Variants in ATG2B observed in about 807,000 individuals in gnomAD.
The protein encoded by ATG2B is autophagy related 2B.
A neutral mutation model predicts 241.3 loss-of-function variants in ATG2B; 121 were observed. The observed-to-expected ratio is 0.50, with a 90% confidence interval of 0.43 to 0.58. ATG2B has a LOEUF of 0.58. ATG2B is among the 20% of genes least tolerant of loss of function. The probability of loss-of-function intolerance (pLI) is 0.00; values close to 1 mark genes in which losing one functional copy is unlikely to be tolerated. For synonymous variants in ATG2B, 858 were observed against 876.6 expected (o/e 0.98, Z 0.37); for missense variants, 2,306 against 2,491.6 (o/e 0.93, Z 1.59).
At chr14:96,342,641 G>A (rs1324332560) in intron 5 of ATG2B, among the ~76,000 whole-genome samples, 1 of 150,122 alleles carries the variant, frequency 6.7e-6, no homozygotes, top group Non-Finnish European at 1.5e-5. Context: ...AGAATCCCTT[G>A]AACCTGCGAG....
chr14:96,282,256 T>C lies in ATG2B; in HGVS notation c.*3499A>G, dbSNP rs1886218870. ...TTGATTTTATTCTATTTGATACCAA[T>C]TGGTATGTCCAGCTGATGCATTTGC... On this transcript the variant is annotated 3_prime_UTR_variant, in exon 42 of 42. Coordinates refer to ENST00000359933, the MANE Select transcript of ATG2B (RefSeq NM_018036.7). 1 of 152,252 alleles carries C rather than the reference T, an allele frequency of 6.6e-6. No homozygotes were observed. Among genetic ancestry groups the C allele is most frequent in the Non-Finnish European group, 1.5e-5 (1 of 68,034 alleles). 9.4% of individuals were successfully genotyped at this position (152,252 alleles called of 1,614,324 possible).
chr14:96,308,750 A>G (rs929525756), intron 29 of ATG2B, among the ~76,000 whole-genome samples: 5 of 152,142 alleles, frequency 3.3e-5, no homozygotes, highest in African/African-American at 1.2e-4. Flanking sequence ...TTTAATTAAG[A>G]TTTCCCAATA....
In ATG2B at chr14:96,281,637, C is replaced by T. The variant is rs1348696186; in HGVS notation, c.*4118G>A. The T allele has an allele frequency of 6.6e-6, 1 of 152,180 alleles. No individual in the cohort carries two copies. The highest frequency in any genetic ancestry group is 1.5e-5 in the Non-Finnish European group (1 of 68,028). The allele number at this position is 152,180 out of a possible 1,614,324, so 9.4% of individuals were successfully genotyped here. On this transcript the variant is annotated 3_prime_UTR_variant, in exon 42 of 42. Coordinates refer to ENST00000359933, the MANE Select transcript of ATG2B (RefSeq NM_018036.7). Reference sequence around the variant, plus strand: ...GCTGCCATTTCGTATACACAAAATACAAGTGAAACAGTGAAGTAAACATAT... The same window carrying T: ...GCTGCCATTTCGTATACACAAAATATAAGTGAAACAGTGAAGTAAACATAT...
chr14:96,325,844 G>A lies in ATG2B; in HGVS notation c.2242C>T (p.Pro748Ser). 1 of 1,614,036 alleles carries A rather than the reference G, an allele frequency of 6.2e-7. No individual in the cohort carries two copies. The highest frequency in any genetic ancestry group is 8.5e-7 in the Non-Finnish European group (1 of 1,179,982). The change falls in exon 15 of 42, where the codon CCA (proline) becomes TCA (serine). Residue 748 changes from proline (P) to serine (S), a missense_variant. Coordinates refer to ENST00000359933, the MANE Select transcript of ATG2B (RefSeq NM_018036.7). ...AAGCGAACAGAAAGGTTTAATGCTGGTGTGGCAACTTGTACTGATATCCGA... is the reference window on the plus strand; with the variant it reads ...AAGCGAACAGAAAGGTTTAATGCTGATGTGGCAACTTGTACTGATATCCGA... ...NCRISVQVAT[P>S]ALNLSVRFPI... is the part of the protein sequence containing the mutation.
chr14:96,304,096 C>T (rs1886867861), intron 32 of ATG2B, among the ~76,000 whole-genome samples: 1 of 152,212 alleles, frequency 6.6e-6, no homozygotes, highest in Admixed American at 6.5e-5. Context: ...CACAAAGGAC[C>T]TGCCAGATGC....
chr14:96,289,907 C>T lies in ATG2B; in HGVS notation c.5857-102G>A. 8.4e-7 allele frequency: 1 copy of T among 1,195,564 alleles called. No individual in the cohort carries two copies. The highest frequency in any genetic ancestry group is 1.2e-6 in the Non-Finnish European group (1 of 851,414). 74.1% of individuals were successfully genotyped at this position (1,195,564 alleles called of 1,614,324 possible). A position where few individuals can be genotyped will look rare whatever the true frequency, so the allele number is the denominator to read the frequency against. On this transcript the variant is annotated intron_variant, in intron 40 of 41. Coordinates refer to ENST00000359933, the MANE Select transcript of ATG2B (RefSeq NM_018036.7). This position sits in a 1 kb window ranked among gnomAD's most constrained non-coding sequence, Gnocchi z 4.3. Reference sequence around the variant, plus strand: ...CAGGGAGTGAGGAAGAGCAGAGGAACTCACAAACCCTAATGAAGACACTTC... The same window carrying T: ...CAGGGAGTGAGGAAGAGCAGAGGAATTCACAAACCCTAATGAAGACACTTC...
chr14:96,333,936 TCCCAAAAC>T lies in ATG2B; in HGVS notation c.1022-71_1022-64del, dbSNP rs1167480876. On this transcript the variant is annotated intron_variant, in intron 7 of 41. Transcript: ENST00000359933. ...ATTTGGAGTTAATTAAGCATTTCTT[TCCCAAAAC>T]CCATTTATGGAACAACAATGGCAAC... 3 of 1,428,196 alleles carry T rather than the reference TCCCAAAAC, an allele frequency of 2.1e-6. No individual in the cohort carries two copies. The African/African-American group carries it at 4.2e-5, about 20-fold the overall frequency. 88.5% of individuals were successfully genotyped at this position (1,428,196 alleles called of 1,614,324 possible).
At chr14:96,355,616 CAT>C (rs1888451910) in intron 1 of ATG2B, among the ~76,000 whole-genome samples, 4 of 152,056 alleles carry the variant, frequency 2.6e-5, no homozygotes, top group Admixed American at 2.6e-4. Flanking sequence ...AAACTACCAA[CAT>C]ATTAATAGTT....
rs1886295098 is a variant in ATG2B, at chr14:96,284,894, T to A, written c.*861A>T. 1 of 152,198 alleles carries A rather than the reference T, an allele frequency of 6.6e-6. No individual in the cohort carries two copies. Among genetic ancestry groups the A allele is most frequent in the South Asian group, 2.1e-4 (1 of 4,834 alleles). 9.4% of individuals were successfully genotyped at this position (152,198 alleles called of 1,614,324 possible). ...TTAAAAGAGGAAAAATCACTTCCAA[T>A]CTTCCCTTCCACACATTCCTAACAA... On this transcript the variant is annotated 3_prime_UTR_variant, in exon 42 of 42. Coordinates refer to ENST00000359933, the MANE Select transcript of ATG2B (RefSeq NM_018036.7).
intron 7 of ATG2B, 128 bp downstream of exon 7, chr14:96,334,277 T>G (rs1887814394): frequency 1.6e-6 from 1 of 640,286 alleles, no homozygotes; most frequent in Non-Finnish European, 2.7e-6. Flanking sequence ...TTAACATTCT[T>G]ATTTGCTTCT....
Position 96,317,255 on chromosome 14 carries a change from G to A in ATG2B, c.3100C>T (p.Arg1034Cys), listed in dbSNP as rs754635720. Residue 1034 changes from arginine (R) to cysteine (C), a missense_variant, in exon 20 of 42, where the codon CGT becomes TGT. Arg to Cys is a radical substitution (Grantham distance 180, BLOSUM62 -3). Coordinates refer to ENST00000359933, the MANE Select transcript of ATG2B (RefSeq NM_018036.7). ...TCTAATTTTTTTTTCCTGCGAGAAC[G>A]ATAGTTGGGATCAACAGTGGAAAAA... ...QYFSTVDPNYRSRRKKKLDSQ... is the reference protein window; with the variant it reads ...QYFSTVDPNYCSRRKKKLDSQ... 1.2e-5 allele frequency: 20 copies of A among 1,613,542 alleles called. No individual in the cohort carries two copies. The highest frequency in any genetic ancestry group is 3.3e-5 in the South Asian group (3 of 91,048).
rs775683839 is a variant in ATG2B at position 96,328,382 on chromosome 14, G to A, written c.2128C>T (p.His710Tyr). ...KLATVEMMAS[H>Y]MYTSYNKHIS... ...TGTTTATTATATGAAGTATACATGT[G>A]GGATGCCATCATCTCTACTGTGGCA... Residue 710 changes from histidine to tyrosine, a missense_variant, in exon 14 of 42, where the codon CAC becomes TAC. Physicochemically the swap from His to Tyr is moderately conservative, Grantham distance 83 (BLOSUM62 2). This residue lies in a region of ATG2B where 1,927 missense variants were observed against 2,011.2 expected (regional missense o/e 0.96). Transcript: ENST00000359933. 2.5e-6 allele frequency: 4 copies of A among 1,612,714 alleles called. No homozygotes were observed. In the East Asian group the frequency reaches 8.9e-5, roughly 36 times the overall value.
Position 96,282,472 on chromosome 14 carries a change from G to A in ATG2B, c.*3283C>T, listed in dbSNP as rs971016791. ...CCCACAGTTCTGAGGATGCGGGTGC[G>A]AGGACTCTGAAGCAAAGCAAAGCAG... On this transcript the variant is annotated 3_prime_UTR_variant, in exon 42 of 42. Transcript: ENST00000359933. 3 of 152,276 alleles carry A rather than the reference G, an allele frequency of 2.0e-5. No homozygotes were observed. Among genetic ancestry groups the A allele is most frequent in the Admixed American group, 6.5e-5 (1 of 15,288 alleles). The allele number at this position is 152,276 out of a possible 1,614,324, so 9.4% of individuals were successfully genotyped here. A position where few individuals can be genotyped will look rare whatever the true frequency, so the allele number is the denominator to read the frequency against.
At chr14:96,341,772 T>C in intron 5 of ATG2B, 71 bp from the exon 6 acceptor site, 2 of 1,160,838 alleles carry the variant, frequency 1.7e-6, no homozygotes, top group Non-Finnish European at 2.3e-6. Context: ...AAAATATAAA[T>C]GTCAACTTAA....
rs1243961043 is a variant in ATG2B, at chr14:96,334,442, G to T, written c.984C>A (p.His328Gln). The T allele has an allele frequency of 1.1e-5, 18 of 1,611,292 alleles. No homozygotes were observed. The highest frequency in any genetic ancestry group is 1.4e-5 in the Non-Finnish European group (16 of 1,179,024). ...TAGCTGCCAACATATCCAAAAGCAA[G>T]TGCACCTGTCTTGGTGACAGGAGTA... ...IHLLLSPRQVHLLLDMLAAIA... is the reference protein window; with the variant it reads ...IHLLLSPRQVQLLLDMLAAIA... The change falls in exon 7 of 42, where the codon CAC becomes CAA. Residue 328 changes from histidine to glutamine, a missense_variant. By Grantham distance (24) the His-to-Gln change is conservative. Around this residue, in one of 2 missense-constraint regions of ATG2B, gnomAD observed 1,927 missense variants for 2,011.2 expected, o/e 0.96. Coordinates refer to ENST00000359933, the MANE Select transcript of ATG2B (RefSeq NM_018036.7).
At chr14:96,326,655 C>T (rs959967515) in intron 14 of ATG2B, among the ~76,000 whole-genome samples, 1 of 152,120 alleles carries the variant, frequency 6.6e-6, no homozygotes, top group African/African-American at 2.4e-5. Context: ...CGTTGTAACA[C>T]TCCTCAGTTT....
At chr14:96,309,997 A>T (rs1887105107) in intron 28 of ATG2B, among the ~76,000 whole-genome samples, 1 of 152,158 alleles carries the variant, frequency 6.6e-6, no homozygotes, top group African/African-American at 2.4e-5. Context: ...CATTTCTTGG[A>T]CACCTAACAA....
At chr14:96,316,741 T>C (rs1232738801) in intron 20 of ATG2B, 58 bp from the exon 21 acceptor site, 4 of 1,482,640 alleles carry the variant, frequency 2.7e-6, no homozygotes, top group Admixed American at 4.0e-5. Context: ...AAAGTAAGCA[T>C]GTTCCTTGAG....
intron 34 of ATG2B, 25 bp from the exon 35 acceptor site, chr14:96,295,585 A>G: frequency 6.8e-7 from 1 of 1,465,160 alleles, no homozygotes; most frequent in Non-Finnish European, 9.4e-7. Flanking sequence ...TGTAATTTTA[A>G]CTAAGGAAGA....
Sources: gnomAD v4.1 joint callset for allele counts (sites outside exome capture counted in the v4.1 genomes callset) on GRCh38, gnomAD v4.1.1 for gene constraint, gnomAD v4.1.1 regional missense constraint, Gnocchi (gnomAD v3.1) non-coding constraint, MANE v1.5 for transcripts, NCBI Gene and HGNC (gene_info 2026-07-23, HGNC 2026-07-21) for gene names.